Variants in COG3 observed in about 807,000 individuals in gnomAD.
The protein encoded by COG3 is component of oligomeric golgi complex 3.
In COG3, 32 loss-of-function variants were observed where a neutral mutation model predicts 114.1. The ratio of observed to expected loss-of-function variants is 0.28; its 90% confidence interval spans 0.21 to 0.38. The LOEUF is 0.38. COG3 is among the 10% of genes least tolerant of loss of function. The pLI, the probability that COG3 is intolerant of heterozygous loss-of-function variation, is 1.00. For synonymous variants in COG3, 352 were observed against 365.7 expected (o/e 0.96, Z 0.43); for missense variants, 813 against 973.2 (o/e 0.84, Z 2.19).
chr13:45,526,879 C>T (rs574585183), intron 20 of COG3, among the ~76,000 whole-genome samples: 34 of 152,330 alleles, frequency 2.2e-4, no homozygotes, highest in African/African-American at 8.2e-4. Context: ...GCAGACTTAT[C>T]AGTTCACAAC....
chr13:45,473,739 G>A (rs1019586470), intron 1 of COG3, among the ~76,000 whole-genome samples: 3 of 152,138 alleles, frequency 2.0e-5, no homozygotes, highest in Non-Finnish European at 2.9e-5. Flanking sequence ...GTCTTGGGTG[G>A]CTCCCCAAGG....
intron 12 of COG3, among the ~76,000 whole-genome samples, chr13:45,494,832 A>G (rs1054964776): frequency 7.1e-6 from 1 of 140,668 alleles, no homozygotes; most frequent in Non-Finnish European, 1.6e-5. Flanking sequence ...GGCCAAAATT[A>G]ATGTGATTTT....
chr13:45,516,139 T>C lies in COG3; in HGVS notation c.1810-4T>C. On this transcript the variant is annotated splice_region_variant and splice_polypyrimidine_tract_variant and intron_variant, in intron 16 of 22. Transcript: ENST00000349995. ...CATATCCATTTTTCTGTCTTATAAT[T>C]TAGACTCAGATTGATGGACAACTTT... is the stretch of plus-strand genomic sequence containing the variant. The C allele has an allele frequency of 6.4e-7, 1 of 1,558,486 alleles. No individual in the cohort carries two copies. The highest frequency in any genetic ancestry group is 8.8e-7 in the Non-Finnish European group (1 of 1,142,060).
chr13:45,466,310 A>T (rs906446761), intron 1 of COG3, among the ~76,000 whole-genome samples: 16 of 152,288 alleles, frequency 1.1e-4, no homozygotes, highest in African/African-American at 3.9e-4. Flanking sequence ...AAATGCTGGG[A>T]TTACAGTCGT....
chr13:45,479,372 G>T (rs1566243833), intron 3 of COG3, among the ~76,000 whole-genome samples: 1 of 152,196 alleles, frequency 6.6e-6, no homozygotes, highest in Admixed American at 6.5e-5. Flanking sequence ...GGAGGTGTTT[G>T]TTGCTTTTTA....
At chr13:45,469,920 C>T (rs1189859402) in intron 1 of COG3, among the ~76,000 whole-genome samples, 1 of 151,414 alleles carries the variant, frequency 6.6e-6, no homozygotes, top group Non-Finnish European at 1.5e-5. Context: ...TTCATTTTAC[C>T]CTCAAATTCT....
chr13:45,480,623 T>C (rs1196429222), intron 4 of COG3, among the ~76,000 whole-genome samples: 2 of 152,190 alleles, frequency 1.3e-5, no homozygotes, highest in Non-Finnish European at 2.9e-5. Flanking sequence ...TGGAGTGCAA[T>C]GACGTGATCT....
At chr13:45,475,222 T>A (rs1392729655) in intron 1 of COG3, among the ~76,000 whole-genome samples, 1 of 152,100 alleles carries the variant, frequency 6.6e-6, no homozygotes, top group Non-Finnish European at 1.5e-5. Context: ...TTTATTTTTT[T>A]AGACAGGGCC....
intron 15 of COG3, 81 bp downstream of exon 15, chr13:45,509,897 AT>A (rs1401226141): frequency 7.6e-6 from 10 of 1,319,148 alleles, no homozygotes; most frequent in South Asian, 1.5e-5. Context: ...TTGATAAAGT[AT>A]TTTGTTGGAT....
chr13:45,524,207 G>A (rs1354649523), intron 19 of COG3, among the ~76,000 whole-genome samples: 1 of 152,234 alleles, frequency 6.6e-6, no homozygotes, highest in African/African-American at 2.4e-5. Context: ...AGACTTTCCC[G>A]TGAGGCCAAA....
chr13:45,478,968 T>A (rs756291536), intron 2 of COG3, 37 bp from the exon 3 acceptor site: 1 of 1,491,964 alleles, frequency 6.7e-7, no homozygotes, highest in Non-Finnish European at 9.3e-7. Context: ...TTTGTCAGTT[T>A]TAGTTTTGTT....
At chr13:45,476,086 T>A in intron 1 of COG3, 115 bp from the exon 2 acceptor site, 1 of 931,796 alleles carries the variant, frequency 1.1e-6, no homozygotes, top group African/African-American at 1.7e-5. Context: ...TTAATGTGAT[T>A]TAATGGAAAA....
chr13:45,524,435 A>G lies in COG3; in HGVS notation c.2155-541A>G, dbSNP rs575089775. The stretch of plus-strand genomic sequence containing the variant: ...GACTAGAAGATGGTCATTCAGGTCT[A>G]TCTTTAGCACTGATTGGTCAGTCAT... On this transcript the variant is annotated intron_variant, in intron 19 of 22. Coordinates refer to ENST00000349995, the MANE Select transcript of COG3 (RefSeq NM_031431.4). Among the ~76,000 whole-genome samples the G allele has an allele frequency of 1.9e-4, 29 of 152,314 alleles. No homozygotes were observed. The South Asian group carries it at 5.2e-3, about 27-fold the overall frequency.
Position 45,509,761 on chromosome 13 carries a change from A to G in COG3, c.1664A>G (p.Tyr555Cys), listed in dbSNP as rs761976834. The change falls in exon 15 of 23, where the codon TAT (tyrosine) becomes TGT (cysteine). Residue 555 changes from tyrosine to cysteine, a missense_variant. Transcript: ENST00000349995. ...CCAGCAGATCTTCATGGAATGTGGT[A>G]TCCTACGGTTCGAAGAACTCTTGTC... ...ISPADLHGMW[Y>C]PTVRRTLVCL... The G allele has an allele frequency of 1.2e-6, 2 of 1,613,978 alleles. No individual in the cohort carries two copies. Among genetic ancestry groups the G allele is most frequent in the Admixed American group, 3.3e-5 (2 of 60,032 alleles).
At chr13:45,471,352 A>C (rs1185095749) in intron 1 of COG3, among the ~76,000 whole-genome samples, 1 of 152,138 alleles carries the variant, frequency 6.6e-6, no homozygotes, top group African/African-American at 2.4e-5. Flanking sequence ...CCTGGAAATC[A>C]AGGCTGCAGT....
At chr13:45,467,201 C>T (rs1171836624) in intron 1 of COG3, among the ~76,000 whole-genome samples, 1 of 152,194 alleles carries the variant, frequency 6.6e-6, no homozygotes, top group Non-Finnish European at 1.5e-5. Flanking sequence ...GAAGAAAGAA[C>T]AGCATAAGGT....
intron 22 of COG3, among the ~76,000 whole-genome samples, chr13:45,533,834 T>C (rs1873373301): frequency 6.6e-6 from 1 of 152,236 alleles, no homozygotes; most frequent in Admixed American, 6.5e-5. Flanking sequence ...TCATCATGAT[T>C]ACATTTAGGC....
chr13:45,501,598 C>T (rs1869543521), intron 13 of COG3, among the ~76,000 whole-genome samples: 1 of 152,090 alleles, frequency 6.6e-6, no homozygotes, highest in African/African-American at 2.4e-5. Flanking sequence ...TAGAATCGAC[C>T]ATTTCTTCAA....
At chr13:45,506,257 C>G (rs1350636770) in intron 14 of COG3, among the ~76,000 whole-genome samples, 1 of 151,814 alleles carries the variant, frequency 6.6e-6, no homozygotes, top group Admixed American at 6.6e-5. Flanking sequence ...TAGCAGACGT[C>G]TTGGGAGAGA....
Sources: gnomAD v4.1 joint callset for allele counts (sites outside exome capture counted in the v4.1 genomes callset) on GRCh38, gnomAD v4.1.1 for gene constraint, MANE v1.5 for transcripts, NCBI Gene and HGNC (gene_info 2026-07-23, HGNC 2026-07-21) for gene names.